SH3D21: variants seen among roughly 807,000 people sequenced by gnomAD.
SH3D21 encodes manchette microtubule inner protein 1.
In SH3D21, 83 loss-of-function variants were observed where a neutral mutation model predicts 82.1. The ratio of observed to expected loss-of-function variants is 1.01; its 90% confidence interval spans 0.85 to 1.21. The LOEUF (loss-of-function observed/expected upper bound fraction) is 1.21. SH3D21 is among the 50% of genes most tolerant of loss of function. The pLI is 0.00. For missense variants in SH3D21, 980 were observed against 962.1 expected (o/e 1.02, Z -0.25); for synonymous variants, 383 against 387.8 (o/e 0.99, Z 0.15).
downstream of SH3D21, chr1:36,322,489 C>A (rs774404441): frequency 1.9e-6 from 3 of 1,603,424 alleles, no homozygotes; most frequent in Non-Finnish European, 2.5e-6. Context: ...TCCGGCTCTG[C>A]GGACAGCTCG....
downstream of SH3D21, chr1:36,322,818 G>T: frequency 6.7e-7 from 1 of 1,488,396 alleles, no homozygotes; most frequent in Non-Finnish European, 9.2e-7. Flanking sequence ...GTGGGGGCGA[G>T]GCCTGTAACC....
chr1:36,322,917 G>T (rs909029428), downstream of SH3D21: 9 of 1,591,256 alleles, frequency 5.7e-6, no homozygotes, highest in African/African-American at 2.7e-5. Flanking sequence ...GGAGGGAAGG[G>T]GATGGTGGTC....
chr1:36,322,772 G>T, downstream of SH3D21: 1 of 1,528,572 alleles, frequency 6.5e-7, no homozygotes, highest in East Asian at 2.4e-5. Context: ...GACGGGTGGG[G>T]GTTGTCCCAC....
At position 36,306,618 on chromosome 1, in the gene SH3D21, T is replaced by G. The variant is rs1395737514; in HGVS notation, c.25T>G (p.Tyr9Asp). 7.7e-7 allele frequency: 1 copy of G among 1,302,528 alleles called. No homozygotes were observed. The highest frequency in any genetic ancestry group is 1.5e-5 in the African/African-American group (1 of 65,772). The allele number at this position is 1,302,528 out of a possible 1,614,324, so 80.7% of individuals were successfully genotyped here. ...CGCAGAAGTCCTCGTCCTGGCCGGA[T>G]ACCGCGCGCAGAAGGAGGACGAGCT... MEVLVLAG[Y>D]RAQKEDELSL... Residue 9 changes from tyrosine to aspartate, a missense_variant, in exon 2 of 16, where the codon TAC becomes GAC. Physicochemically the swap from Tyr to Asp is radical, Grantham distance 160. Coordinates refer to ENST00000453908, the MANE Select transcript of SH3D21 (RefSeq NM_001162530.2). The surrounding 1 kb of genome is among the most constrained non-coding windows in gnomAD (Gnocchi z 4.5).
intron 10 of SH3D21, among the ~76,000 whole-genome samples, 199 bp from the exon 11 acceptor site, chr1:36,318,872 G>C (rs1646389597): frequency 1.3e-5 from 2 of 150,180 alleles, no homozygotes; most frequent in South Asian, 4.2e-4. Context: ...TCGCACCACT[G>C]GGCGACAGAA....
chr1:36,322,840 G>A (rs1270131700), downstream of SH3D21: 14 of 1,490,140 alleles, frequency 9.4e-6, no homozygotes, highest in East Asian at 2.1e-4. Flanking sequence ...CTACTCGAAG[G>A]GCATTAGGGA....
rs533265638 is a variant in SH3D21, at chr1:36,306,987, G to A, written c.226+82G>A. ...CCCGGCGTCTCCGGCTCTTAGTGAC[G>A]GGCGCGGCTCTGGGCGGGACCTCGG... On this transcript the variant is annotated intron_variant, in intron 3 of 15. Transcript: ENST00000453908. The surrounding 1 kb of genome is among the most constrained non-coding windows in gnomAD (Gnocchi z 4.5). 2.0e-5 allele frequency: 27 copies of A among 1,381,398 alleles called. No individual in the cohort carries two copies. The African/African-American group carries it at 3.7e-4, about 19-fold the overall frequency. 85.6% of individuals were successfully genotyped at this position (1,381,398 alleles called of 1,614,324 possible). A position where few individuals can be genotyped will look rare whatever the true frequency, so the allele number is the denominator to read the frequency against.
downstream of SH3D21, among the ~76,000 whole-genome samples, chr1:36,326,226 CTT>C (rs1036818002): frequency 4.6e-4 from 21 of 46,146 alleles, no homozygotes; most frequent in African/African-American, 8.4e-4. Flanking sequence ...CTTTTTCTTT[CTT>C]TCTTTCTTTT....
At chr1:36,311,393 A>G (rs1282002939) in intron 10 of SH3D21, among the ~76,000 whole-genome samples, 2 of 152,016 alleles carry the variant, frequency 1.3e-5, no homozygotes, top group African/African-American at 4.8e-5. Flanking sequence ...GGCGCCTGCC[A>G]TCACGCCCAG....
chr1:36,306,912 G>T lies in SH3D21; in HGVS notation c.226+7G>T. 2 of 1,326,618 alleles carry T rather than the reference G, an allele frequency of 1.5e-6. No homozygotes were observed. The highest frequency in any genetic ancestry group is 1.3e-5 in the South Asian group (1 of 79,868). 82.2% of individuals were successfully genotyped at this position (1,326,618 alleles called of 1,614,324 possible). ...CGCTGTGCGCGCCGCCGAGGTGAGC[G>T]CAAGGGCGGGGACGGGCGCCGGTGG... On this transcript the variant is annotated splice_region_variant and intron_variant, in intron 3 of 15. Transcript: ENST00000453908. This position sits in a 1 kb window ranked among gnomAD's most constrained non-coding sequence, Gnocchi z 4.5.
At position 36,306,384 on chromosome 1, in the gene SH3D21, A is replaced by C. The variant is rs1332157846; in HGVS notation, c.-37A>C. The C allele has an allele frequency of 1.1e-5, 14 of 1,305,202 alleles. No individual in the cohort carries two copies. Among genetic ancestry groups the C allele is most frequent in the Non-Finnish European group, 1.4e-5 (14 of 988,942 alleles). The allele number at this position is 1,305,202 out of a possible 1,614,324, so 80.9% of individuals were successfully genotyped here. A position where few individuals can be genotyped will look rare whatever the true frequency, so the allele number is the denominator to read the frequency against. On this transcript the variant is annotated 5_prime_UTR_variant, in exon 1 of 16. Transcript: ENST00000453908. The surrounding 1 kb of genome is among the most constrained non-coding windows in gnomAD (Gnocchi z 4.5). ...CGCGGGCCCAGTACTCGGCCGTCAG[A>C]GGGAGCTGCCAGGCTCTGGAGGGCG...
In SH3D21 at chr1:36,321,037, C is replaced by A. The variant is rs780600875; in HGVS notation, c.2200-19C>A. On this transcript the variant is annotated intron_variant, in intron 15 of 15. Coordinates refer to ENST00000453908, the MANE Select transcript of SH3D21 (RefSeq NM_001162530.2). This position sits in a 1 kb window ranked among gnomAD's most constrained non-coding sequence, Gnocchi z 6.1. ...GGCGAGTGGCCCCCTGACAAAGTCT[C>A]CACCTCACTCCCGACCAGGTCCAGG... 1 of 1,606,762 alleles carries A rather than the reference C, an allele frequency of 6.2e-7. No individual in the cohort carries two copies. The highest frequency in any genetic ancestry group is 1.1e-5 in the South Asian group (1 of 89,766).
downstream of SH3D21, chr1:36,322,888 G>T: frequency 1.9e-6 from 3 of 1,559,506 alleles, no homozygotes; most frequent in Admixed American, 5.3e-5. Context: ...CGGGGCGGAG[G>T]GGACGGACAA....
Position 36,321,307 on chromosome 1 carries a change from C to G in SH3D21, c.*180C>G, listed in dbSNP as rs1646458588. 1 of 1,436,930 alleles carries G rather than the reference C, an allele frequency of 7.0e-7. No homozygotes were observed. Among genetic ancestry groups the G allele is most frequent in the African/African-American group, 1.4e-5 (1 of 69,654 alleles). 89.0% of individuals were successfully genotyped at this position (1,436,930 alleles called of 1,614,324 possible). ...GGCCTCCGCATTCCTGACGGTCCCT[C>G]CCAGGCACATCTGGCCAACATGTGG... On this transcript the variant is annotated 3_prime_UTR_variant, in exon 16 of 16. Transcript: ENST00000453908. The surrounding 1 kb of genome is among the most constrained non-coding windows in gnomAD (Gnocchi z 6.1).
At chr1:36,317,633 G>C (rs545496561) in intron 10 of SH3D21, among the ~76,000 whole-genome samples, 6 of 152,120 alleles carry the variant, frequency 3.9e-5, no homozygotes, top group Admixed American at 3.9e-4. Flanking sequence ...CGCGATCTTG[G>C]CTCACTGTAA....
chr1:36,306,382 A>G lies in SH3D21; in HGVS notation c.-39A>G. On this transcript the variant is annotated 5_prime_UTR_variant, in exon 1 of 16. Coordinates refer to ENST00000453908, the MANE Select transcript of SH3D21 (RefSeq NM_001162530.2). This position sits in a 1 kb window ranked among gnomAD's most constrained non-coding sequence, Gnocchi z 4.5. ...TGCGCGGGCCCAGTACTCGGCCGTC[A>G]GAGGGAGCTGCCAGGCTCTGGAGGG... 6.9e-6 allele frequency: 9 copies of G among 1,305,342 alleles called. No individual in the cohort carries two copies. The highest frequency in any genetic ancestry group is 1.2e-5 in the South Asian group (1 of 81,036). 80.9% of individuals were successfully genotyped at this position (1,305,342 alleles called of 1,614,324 possible).
chr1:36,327,860 C>T, downstream of SH3D21: 1 of 1,289,814 alleles, frequency 7.8e-7, no homozygotes, highest in Non-Finnish European at 1.0e-6. Flanking sequence ...GGTCCACATG[C>T]CCTCCCCACC....
chr1:36,315,076 A>G (rs576277508), intron 10 of SH3D21, among the ~76,000 whole-genome samples: 94 of 152,146 alleles, frequency 6.2e-4, no homozygotes, highest in Admixed American at 1.1e-3. Context: ...GGAGTTTGAG[A>G]ACAGCCTGAC....
chr1:36,322,679 G>A (rs1400073889), downstream of SH3D21: 1 of 1,547,434 alleles, frequency 6.5e-7, no homozygotes, highest in Admixed American at 2.0e-5. Context: ...GCAGCAGGCC[G>A]AAGCAGACGC....
Sources: gnomAD v4.1 joint callset for allele counts (sites outside exome capture counted in the v4.1 genomes callset) on GRCh38, gnomAD v4.1.1 for gene constraint, Gnocchi (gnomAD v3.1) non-coding constraint, MANE v1.5 for transcripts, NCBI Gene and HGNC (gene_info 2026-07-23, HGNC 2026-07-21) for gene names.